The following PTPN1 variants were observed in gnomAD, a reference collection of about 807,000 sequenced individuals.
The protein encoded by PTPN1 is tyrosine-protein phosphatase non-receptor type 1.
PTPN1 carries 12 observed loss-of-function variants against 59.9 expected under a neutral mutation model. The ratio of observed to expected loss-of-function variants is 0.20; its 90% CI spans 0.13 to 0.32. The LOEUF (loss-of-function observed/expected upper bound fraction) is 0.32. Among genes scored for constraint, PTPN1 ranks in the 10% least tolerant of loss-of-function variants. The pLI, the probability that PTPN1 is intolerant of heterozygous loss-of-function variation, is 1.00. For synonymous variants in PTPN1, 178 were observed against 203.6 expected, an observed-to-expected ratio of 0.87 and a Z score of 1.07; for missense variants, 356 against 549.2, an observed-to-expected ratio of 0.65 and a Z score of 3.52.
chr20:50,560,696 G>A (rs1190501952), intron 1 of PTPN1, among the ~76,000 whole-genome samples: 1 of 151,500 alleles, frequency 6.6e-6, no homozygotes, highest in Non-Finnish European at 1.5e-5. Flanking sequence ...CAGTTCAGTG[G>A]CAGTAAGTAC....
intron 5 of PTPN1, among the ~76,000 whole-genome samples, chr20:50,576,995 C>T (rs943302955): frequency 1.3e-5 from 2 of 152,008 alleles, no homozygotes; most frequent in African/African-American, 4.8e-5. Flanking sequence ...TATATGGATA[C>T]CATTTTCTAG....
At chr20:50,526,576 C>T (rs1347151668) in intron 1 of PTPN1, among the ~76,000 whole-genome samples, 12 of 152,140 alleles carry the variant, frequency 7.9e-5, no homozygotes, top group Admixed American at 7.9e-4. Context: ...CCTTCCCTGG[C>T]AGTTGAGATA....
In PTPN1 at chr20:50,568,603, T is replaced by TA; in HGVS notation, c.354+132dup. The TA allele has an allele frequency of 5.4e-6, 4 of 737,202 alleles. No individual in the cohort carries two copies. Among genetic ancestry groups the TA allele is most frequent in the African/African-American group, 3.6e-5 (2 of 55,864 alleles). 45.7% of individuals were successfully genotyped at this position (737,202 alleles called of 1,614,324 possible). On this transcript the variant is annotated intron_variant, in intron 4 of 9. Transcript: ENST00000371621. The surrounding 1 kb of genome is among the most constrained non-coding windows in gnomAD (Gnocchi z 5.6). ...ATTTCCTTTACGTAGTATTTTTATT[T>TA]AAAAAAATTAAAACAGCAGCATATA...
At chr20:50,551,270 TGAA>T (rs1180704839) in intron 1 of PTPN1, among the ~76,000 whole-genome samples, 3 of 152,152 alleles carry the variant, frequency 2.0e-5, no homozygotes, top group Non-Finnish European at 2.9e-5. Context: ...ACTATTCAGG[TGAA>T]GAAGGTTTCT....
At chr20:50,515,648 C>T (rs1020487376) in intron 1 of PTPN1, among the ~76,000 whole-genome samples, 1 of 152,142 alleles carries the variant, frequency 6.6e-6, no homozygotes. Flanking sequence ...CTTCCTGAGG[C>T]CACCTGTTGT....
At chr20:50,566,716 T>C (rs1231493602) in intron 3 of PTPN1, among the ~76,000 whole-genome samples, 1 of 152,170 alleles carries the variant, frequency 6.6e-6, no homozygotes, top group African/African-American at 2.4e-5. Flanking sequence ...GGGGCCCTCC[T>C]TCACCTCCCC....
chr20:50,544,342 G>A (rs1341289079), intron 1 of PTPN1, among the ~76,000 whole-genome samples: 1 of 151,834 alleles, frequency 6.6e-6, no homozygotes, highest in African/African-American at 2.4e-5. Flanking sequence ...TTTTTGTAGA[G>A]ATGAGGTTTC....
At chr20:50,564,756 T>C (rs1285892875) in intron 2 of PTPN1, among the ~76,000 whole-genome samples, 2 of 152,222 alleles carry the variant, frequency 1.3e-5, no homozygotes, top group African/African-American at 4.8e-5. Context: ...CTGCTGTTGC[T>C]TCATAGTGTG....
At chr20:50,552,721 T>C (rs968841666) in intron 1 of PTPN1, among the ~76,000 whole-genome samples, 3 of 150,776 alleles carry the variant, frequency 2.0e-5, no homozygotes, top group African/African-American at 7.3e-5. Context: ...CCAGGTATAG[T>C]GCTAATATAC....
chr20:50,574,678 A>C, intron 5 of PTPN1, 24 bp downstream of exon 5: 1 of 1,585,548 alleles, frequency 6.3e-7, no homozygotes, highest in East Asian at 2.3e-5. Context: ...ACACTTCAGC[A>C]CTTCAGGCGG....
At chr20:50,525,115 A>C (rs1224899459) in intron 1 of PTPN1, among the ~76,000 whole-genome samples, 2 of 152,068 alleles carry the variant, frequency 1.3e-5, no homozygotes, top group African/African-American at 4.8e-5. Context: ...GCTGGAGTGC[A>C]ATGGCACGAT....
intron 1 of PTPN1, among the ~76,000 whole-genome samples, chr20:50,538,865 C>G (rs747891380): frequency 6.6e-6 from 1 of 152,036 alleles, no homozygotes; most frequent in Non-Finnish European, 1.5e-5. Context: ...TAGCTGCTAC[C>G]TATAAAAGCA....
In PTPN1 at chr20:50,549,828, A is replaced by G. The variant is rs1194245249; in HGVS notation, c.64-11535A>G. Among the ~76,000 whole-genome samples, 6 of 152,218 alleles carry G rather than the reference A, an allele frequency of 3.9e-5. No homozygotes were observed. In the East Asian group the frequency reaches 1.2e-3, roughly 29 times the overall value. ...ATTGCTTATATGAATGTACACATAAATATAATAAAAATATTTTCCTAAGGT... is the reference window on the plus strand; with the variant it reads ...ATTGCTTATATGAATGTACACATAAGTATAATAAAAATATTTTCCTAAGGT... On this transcript the variant is annotated intron_variant, in intron 1 of 9. Transcript: ENST00000371621.
intron 1 of PTPN1, among the ~76,000 whole-genome samples, chr20:50,522,920 AT>A (rs11287235): frequency 0.48 from 67,598 of 140,248 alleles, 15,981 homozygotes; most frequent in African/African-American, 0.58. Flanking sequence ...TGCCCGGCTA[AT>A]TTTTTTTTTT....
At chr20:50,510,705 C>A in intron 1 of PTPN1, 115 bp downstream of exon 1, 1 of 1,115,082 alleles carries the variant, frequency 9.0e-7, no homozygotes, top group Non-Finnish European at 1.2e-6. Context: ...GCTCCTACTG[C>A]TTGAGGATTC....
At chr20:50,522,044 A>G (rs978586637) in intron 1 of PTPN1, among the ~76,000 whole-genome samples, 1 of 152,178 alleles carries the variant, frequency 6.6e-6, no homozygotes, top group Non-Finnish European at 1.5e-5. Flanking sequence ...TTGGTATATT[A>G]TCGTTAGATA....
At chr20:50,550,589 C>T (rs948595425) in intron 1 of PTPN1, among the ~76,000 whole-genome samples, 1 of 152,218 alleles carries the variant, frequency 6.6e-6, no homozygotes, top group Non-Finnish European at 1.5e-5. Flanking sequence ...TGCTTATACA[C>T]ATTCCCTTTC....
At chr20:50,580,073 C>T (rs964321479) in intron 8 of PTPN1, 147 bp downstream of exon 8, 13 of 724,844 alleles carry the variant, frequency 1.8e-5, no homozygotes, top group Admixed American at 1.6e-4. Context: ...GCGTGGACCA[C>T]AGCCACTCCA....
chr20:50,528,233 A>G (rs766432195), intron 1 of PTPN1, among the ~76,000 whole-genome samples: 2 of 152,188 alleles, frequency 1.3e-5, no homozygotes, highest in Non-Finnish European at 2.9e-5. Flanking sequence ...AGGTCCTCCC[A>G]TGGCCCTCTG....
Sources: gnomAD v4.1 joint callset for allele counts (sites outside exome capture counted in the v4.1 genomes callset) on GRCh38, gnomAD v4.1.1 for gene constraint, Gnocchi (gnomAD v3.1) non-coding constraint, MANE v1.5 for transcripts, NCBI Gene and HGNC (gene_info 2026-07-23, HGNC 2026-07-21) for gene names.